The following SLC11A2 variants were observed in gnomAD, a reference collection of about 807,000 sequenced individuals.
SLC11A2 encodes the protein natural resistance-associated macrophage protein 2.
Under a neutral mutation model 68.0 loss-of-function variants are expected in SLC11A2, and 38 were observed. That is an observed-to-expected ratio of 0.56 (90% confidence interval 0.43 to 0.73). The LOEUF (loss-of-function observed/expected upper bound fraction) is 0.73, where lower values mean the gene tolerates loss of function less well. Ranked by LOEUF, SLC11A2 falls within the 30% of genes least tolerant of loss-of-function variation. The probability of loss-of-function intolerance (pLI) is 0.00; values close to 1 mark genes in which losing one functional copy is unlikely to be tolerated. For synonymous variants in SLC11A2, 242 were observed against 250.6 expected, an observed-to-expected ratio of 0.97 and a Z score of 0.32; for missense variants, 517 against 690.5, an observed-to-expected ratio of 0.75 and a Z score of 2.82.
chr12:50,978,520 A>T (rs1397858189), downstream of SLC11A2, among the ~76,000 whole-genome samples: 116 of 148,804 alleles, frequency 7.8e-4, no homozygotes, highest in African/African-American at 2.5e-3. Context: ...GAGGGATAGC[A>T]TTAGGAGATA....
chr12:50,984,374 A>C (rs1940341646), downstream of SLC11A2, among the ~76,000 whole-genome samples: 1 of 152,170 alleles, frequency 6.6e-6, no homozygotes, highest in Non-Finnish European at 1.5e-5. Flanking sequence ...CAGCTTGCTT[A>C]ATTTAGGCTT....
the SLC11A2 span, among the ~76,000 whole-genome samples, chr12:50,971,174 C>T: frequency 2.9e-4 from 44 of 149,498 alleles, no homozygotes; most frequent in African/African-American, 1.0e-3. Flanking sequence ...GCCACGGCGC[C>T]GAGCCACAGA....
rs145487521 is a variant in SLC11A2, at chr12:51,008,352, T to C, written c.183+124A>G. ...ATATATATATATAGATATATAGATA[T>C]AGTCTTCAGAGATTGCCAGCCAAAA... On this transcript the variant is annotated intron_variant, in intron 3 of 15. Coordinates refer to ENST00000262052, the MANE Select transcript of SLC11A2 (RefSeq NM_000617.3). 1,157 of 734,092 alleles carry C rather than the reference T, an allele frequency of 1.6e-3. 4 individuals are homozygous for C. In the African/African-American group the frequency reaches 0.018, roughly 11 times the overall value. 45.5% of individuals were successfully genotyped at this position (734,092 alleles called of 1,614,324 possible). A position where few individuals can be genotyped will look rare whatever the true frequency, so the allele number is the denominator to read the frequency against.
At chr12:50,980,502 TAAC>T (rs1159413351), downstream of SLC11A2, 2 of 151,306 alleles carry the variant, frequency 1.3e-5, no homozygotes, top group Non-Finnish European at 2.9e-5. Context: ...CTCAAAAAAA[TAAC>T]AACAAACAAC....
chr12:50,961,204 T>C, the SLC11A2 span: 9 of 1,229,002 alleles, frequency 7.3e-6, no homozygotes, highest in Non-Finnish European at 1.0e-5. Context: ...CACAATGATG[T>C]AATGAGAGAG....
chr12:50,959,382 A>T, the SLC11A2 span, among the ~76,000 whole-genome samples: 3 of 152,110 alleles, frequency 2.0e-5, no homozygotes, highest in Non-Finnish European at 2.9e-5. Context: ...GGCCTCCCAA[A>T]GTGCTGGGAT....
At chr12:50,992,432 T>G in intron 12 of SLC11A2, 93 bp from the exon 13 acceptor site, 1 of 1,238,432 alleles carries the variant, frequency 8.1e-7, no homozygotes, top group Non-Finnish European at 1.2e-6. Flanking sequence ...AGAATGGGAT[T>G]AAGAAGTGAC....
intron 1 of SLC11A2, among the ~76,000 whole-genome samples, chr12:51,020,224 C>CT (rs553339563): frequency 0.013 from 1,837 of 137,484 alleles, 36 homozygotes; most frequent in African/African-American, 0.042. Flanking sequence ...CCACAGCTGG[C>CT]TTTTTTTTTT....
At chr12:50,973,785 A>C in the SLC11A2 span, among the ~76,000 whole-genome samples, 1 of 152,242 alleles carries the variant, frequency 6.6e-6, no homozygotes, top group African/African-American at 2.4e-5. Flanking sequence ...AATGCAGATA[A>C]GTCCTTAAAG....
intron 5 of SLC11A2, 102 bp downstream of exon 5, chr12:51,004,686 A>C (rs1942566850): frequency 1.5e-6 from 2 of 1,338,052 alleles, no homozygotes; most frequent in Non-Finnish European, 2.1e-6. Context: ...CTGACCCCCA[A>C]GTCCTTGACT....
chr12:51,000,559 G>A (rs1047361183), intron 5 of SLC11A2, 140 bp from the exon 6 acceptor site: 9 of 707,320 alleles, frequency 1.3e-5, no homozygotes, highest in African/African-American at 1.1e-4. Context: ...ATACCAGAAC[G>A]TGCCTCCACT....
intron 8 of SLC11A2, 57 bp downstream of exon 8, chr12:50,999,117 A>G (rs1223140426): frequency 1.4e-6 from 2 of 1,404,768 alleles, no homozygotes; most frequent in Non-Finnish European, 2.0e-6. Context: ...AAAAGGCTAA[A>G]AAAAAAAACC....
At chr12:50,976,213 C>T (rs1014692954), downstream of SLC11A2, among the ~76,000 whole-genome samples, 1 of 152,184 alleles carries the variant, frequency 6.6e-6, no homozygotes, top group African/African-American at 2.4e-5. Context: ...AGACCAATAT[C>T]CCTGATGAAC....
At chr12:51,012,339 A>C (rs1252752767) in intron 1 of SLC11A2, among the ~76,000 whole-genome samples, 2 of 134,098 alleles carry the variant, frequency 1.5e-5, no homozygotes, top group Non-Finnish European at 3.2e-5. Context: ...AGCCTTACCA[A>C]TAAGGCTATT....
At chr12:50,972,858 T>C in the SLC11A2 span, among the ~76,000 whole-genome samples, 28 of 152,318 alleles carry the variant, frequency 1.8e-4, no homozygotes, top group East Asian at 5.2e-3. Context: ...CGCGCATGGC[T>C]CACAGGGTCC....
At chr12:50,954,201 T>C in the SLC11A2 span, 2 of 676,728 alleles carry the variant, frequency 3.0e-6, no homozygotes, top group South Asian at 4.1e-5. Flanking sequence ...TTTCAGATAA[T>C]TGAAGCTAAC....
chr12:50,966,972 C>G, the SLC11A2 span, among the ~76,000 whole-genome samples: 1 of 152,056 alleles, frequency 6.6e-6, no homozygotes, highest in African/African-American at 2.4e-5. Flanking sequence ...CAAAAATTAG[C>G]CAGGCATGGT....
the SLC11A2 span, among the ~76,000 whole-genome samples, chr12:50,970,137 GACT>G: frequency 6.6e-6 from 1 of 152,132 alleles, no homozygotes; most frequent in East Asian, 1.9e-4. Flanking sequence ...TAATTGAGAT[GACT>G]ACTATTTTTA....
chr12:50,990,184 ATG>A (rs1941005364), intron 15 of SLC11A2, among the ~76,000 whole-genome samples: 1 of 162 alleles, frequency 6.2e-3, no homozygotes, highest in Non-Finnish European at 0.012. Context: ...TGACTCTAGA[ATG>A]AGAGAGTCAA....
Sources: allele counts gnomAD v4.1 joint callset (sites outside exome capture counted in the v4.1 genomes callset), GRCh38; gene constraint gnomAD v4.1.1; transcripts MANE v1.5; gene names NCBI Gene and HGNC (gene_info 2026-07-23, HGNC 2026-07-21).